Variants in HIF3A observed in about 807,000 individuals in gnomAD.
HIF3A encodes the protein hypoxia-inducible factor 3-alpha.
HIF3A carries 41 observed loss-of-function variants against 67.2 expected under a neutral mutation model. The ratio of observed to expected loss-of-function variants is 0.61; its 90% CI spans 0.48 to 0.79. The LOEUF (loss-of-function observed/expected upper bound fraction) is 0.79. Ranked by LOEUF, HIF3A falls within the 30% of genes least tolerant of loss-of-function variation. The pLI is 0.00. For synonymous variants in HIF3A, 356 were observed against 374.8 expected (o/e 0.95, Z 0.58); for missense variants, 855 against 898.0 (o/e 0.95, Z 0.61).
At chr19:46,303,570 A>C (rs978849150) in intron 1 of HIF3A, 2 of 1,513,086 alleles carry the variant, frequency 1.3e-6, no homozygotes, top group Middle Eastern at 3.6e-4. Flanking sequence ...CCTGTCCCCC[A>C]GGCGTCCCTA....
At position 46,339,743 on chromosome 19, in the gene HIF3A, C is replaced by T. The variant is rs76913340; in HGVS notation, c.*121C>T. ...GAGGGGCCCCTCTCTCCTCTATGTA[C>T]CCCCTGCCCACCTCGGGCCTACCTC... On this transcript the variant is annotated 3_prime_UTR_variant, in exon 15 of 15. Coordinates refer to ENST00000377670, the MANE Select transcript of HIF3A (RefSeq NM_152795.4). 2,163 of 578,778 alleles carry T rather than the reference C, an allele frequency of 3.7e-3. 48 individuals are homozygous for T. The African/African-American group carries it at 0.038, about 10-fold the overall frequency. The allele number at this position is 578,778 out of a possible 1,614,324, so 35.9% of individuals were successfully genotyped here.
chr19:46,310,235 A>G (rs1055091629), intron 6 of HIF3A, among the ~76,000 whole-genome samples: 2 of 152,022 alleles, frequency 1.3e-5, no homozygotes, highest in African/African-American at 4.8e-5. Context: ...GAAAAAGAAA[A>G]AAAAGAAAAA....
Position 46,308,293 on chromosome 19 carries a change from A to G in HIF3A, c.436A>G (p.Thr146Ala). 2 of 1,610,752 alleles carry G rather than the reference A, an allele frequency of 1.2e-6. No individual in the cohort carries two copies. The highest frequency in any genetic ancestry group is 2.2e-5 in the South Asian group (2 of 90,708). The change falls in exon 4 of 15, where the codon ACC becomes GCC. Residue 146 changes from threonine (T) to alanine (A), a missense_variant. Coordinates refer to ENST00000377670, the MANE Select transcript of HIF3A (RefSeq NM_152795.4). ...CDQEELQDALTPQQTLSRRKV... is the reference protein window; with the variant it reads ...CDQEELQDALAPQQTLSRRKV... ...CCAAGAGGAGCTTCAGGACGCCCTG[A>G]CCCCCCAGCAGAGTGAGTTCCCTGG... is the stretch of plus-strand genomic sequence containing the variant.
chr19:46,335,125 C>T, intron 14 of HIF3A, 139 bp downstream of exon 14: 1 of 595,018 alleles, frequency 1.7e-6, no homozygotes, highest in Non-Finnish European at 2.9e-6. Flanking sequence ...GCTCCTGTCT[C>T]TTCTCTCTTC....
chr19:46,322,324 C>T (rs1451771720), intron 10 of HIF3A, among the ~76,000 whole-genome samples: 2 of 152,282 alleles, frequency 1.3e-5, no homozygotes, highest in Admixed American at 6.5e-5. Flanking sequence ...AATTCAATTC[C>T]GGCATCATCT....
chr19:46,320,454 A>G lies in HIF3A; in HGVS notation c.1037A>G (p.Glu346Gly). Residue 346 changes from glutamate (E) to glycine (G), a missense_variant, in exon 9 of 15, where the codon GAG (glutamate) becomes GGG (glycine). This residue lies in a region of HIF3A where 638 missense variants were observed against 660.5 expected (regional missense o/e 0.97). Coordinates refer to ENST00000377670, the MANE Select transcript of HIF3A (RefSeq NM_152795.4). ...CVHFLISQVE[E>G]TGVVLSLEQT... ...GCCTTGTACCCCAGCCAGGTGGAAG[A>G]GACCGGAGTGGTGCTGTCCCTGGAG... 6 of 1,613,986 alleles carry G rather than the reference A, an allele frequency of 3.7e-6. No individual in the cohort carries two copies. Among genetic ancestry groups the G allele is most frequent in the Non-Finnish European group, 5.1e-6 (6 of 1,179,876 alleles).
At chr19:46,311,159 T>C (rs1010490307) in intron 6 of HIF3A, among the ~76,000 whole-genome samples, 1 of 152,222 alleles carries the variant, frequency 6.6e-6, no homozygotes, top group African/African-American at 2.4e-5. Context: ...TCTTTTTCTG[T>C]CTTTTCTTAG....
intron 14 of HIF3A, among the ~76,000 whole-genome samples, chr19:46,337,307 G>A (rs1476380048): frequency 6.6e-6 from 1 of 152,104 alleles, no homozygotes; most frequent in Non-Finnish European, 1.5e-5. Context: ...CTGGAGCACA[G>A]TGGTGCGATC....
chr19:46,304,085 G>A lies in HIF3A; in HGVS notation c.214G>A (p.Ala72Thr), dbSNP rs1968591094. 6.4e-7 allele frequency: 1 copy of A among 1,561,294 alleles called. No homozygotes were observed. Among genetic ancestry groups the A allele is most frequent in the Admixed American group, 1.9e-5 (1 of 53,362 alleles). ...SYLRMHRLCA[A>T]GEWNQVGAGG... ...CCTGCGCATGCACCGCCTCTGCGCC[G>A]CAGGTGAGCCCCGCCCGCGGGAATT... Residue 72 changes from alanine to threonine, a missense_variant, in exon 2 of 15, where the codon GCA becomes ACA. Around this residue, in one of 3 missense-constraint regions of HIF3A, gnomAD observed 638 missense variants for 660.5 expected, o/e 0.97. Transcript: ENST00000377670.
chr19:46,306,921 C>T (rs1968901585), intron 3 of HIF3A, among the ~76,000 whole-genome samples: 2 of 152,184 alleles, frequency 1.3e-5, no homozygotes, highest in African/African-American at 4.8e-5. Flanking sequence ...TCTGTGTCCC[C>T]TCCTCCCAGC....
chr19:46,326,527 T>A (rs1970794631), intron 11 of HIF3A, among the ~76,000 whole-genome samples: 1 of 152,110 alleles, frequency 6.6e-6, no homozygotes, highest in South Asian at 2.1e-4. Flanking sequence ...CTCTCCCTCA[T>A]GCAAAATACA....
Position 46,340,508 on chromosome 19 carries a change from C to CTTT in HIF3A, c.*896_*898dup. On this transcript the variant is annotated 3_prime_UTR_variant, in exon 15 of 15. Transcript: ENST00000377670. ...TCCTGCTCCTCTTCCTCTTCTTCTT[C>CTTT]TTTTTTTTTTTTGACAGAGTCTTGC... 1.4e-5 allele frequency: 2 copies of CTTT among 147,826 alleles called. No individual in the cohort carries two copies. Among genetic ancestry groups the CTTT allele is most frequent in the Non-Finnish European group, 3.0e-5 (2 of 67,096 alleles). 9.2% of individuals were successfully genotyped at this position (147,826 alleles called of 1,614,324 possible).
chr19:46,316,571 G>A (rs1969929622), intron 8 of HIF3A, among the ~76,000 whole-genome samples: 1 of 152,170 alleles, frequency 6.6e-6, no homozygotes, highest in Admixed American at 6.6e-5. Flanking sequence ...GGGAGGCTGA[G>A]GTGGGCAGAT....
intron 14 of HIF3A, among the ~76,000 whole-genome samples, chr19:46,336,241 C>T (rs929399035): frequency 1.8e-4 from 27 of 151,466 alleles, no homozygotes; most frequent in Admixed American, 2.6e-4. Context: ...TACAGGCGCC[C>T]GCCACCTCGC....
At chr19:46,337,974 A>G (rs1971746938) in intron 14 of HIF3A, among the ~76,000 whole-genome samples, 2 of 152,176 alleles carry the variant, frequency 1.3e-5, no homozygotes, top group African/African-American at 2.4e-5. Flanking sequence ...GGCGGTGGCT[A>G]AGCACAGAGG....
chr19:46,304,459 T>C (rs1480326730), intron 2 of HIF3A, among the ~76,000 whole-genome samples: 1 of 152,118 alleles, frequency 6.6e-6, no homozygotes, highest in Non-Finnish European at 1.5e-5. Flanking sequence ...TCTCATAATA[T>C]ATCCACTGGG....
chr19:46,322,386 C>T (rs1970440022), intron 10 of HIF3A, among the ~76,000 whole-genome samples: 1 of 152,134 alleles, frequency 6.6e-6, no homozygotes, highest in South Asian at 2.1e-4. Context: ...CCCAAGACTG[C>T]TCTTTGCTCT....
At chr19:46,307,300 G>A (rs369962592) in intron 3 of HIF3A, among the ~76,000 whole-genome samples, 25 of 152,318 alleles carry the variant, frequency 1.6e-4, no homozygotes, top group East Asian at 3.9e-4. Flanking sequence ...TGCAGTCACC[G>A]TGTCCATACC....
intron 1 of HIF3A, among the ~76,000 whole-genome samples, chr19:46,298,102 T>C (rs1186521739): frequency 6.6e-6 from 1 of 152,086 alleles, no homozygotes; most frequent in Non-Finnish European, 1.5e-5. Flanking sequence ...TTCTAGGTCC[T>C]CAGCTTTCCC....
Sources: allele counts gnomAD v4.1 joint callset (sites outside exome capture counted in the v4.1 genomes callset), GRCh38; gene constraint gnomAD v4.1.1; regional missense constraint gnomAD v4.1.1; transcripts MANE v1.5; gene names NCBI Gene and HGNC (gene_info 2026-07-23, HGNC 2026-07-21).